The following GRIN3A variants were observed in gnomAD, a reference collection of about 807,000 sequenced individuals.
GRIN3A encodes glutamate ionotropic receptor NMDA type subunit 3A, also known as glutamate receptor ionotropic, NMDA 3A.
In GRIN3A, 47 loss-of-function variants were observed where a neutral mutation model predicts 92.4. The observed-to-expected ratio is 0.51, with a 90% CI of 0.40 to 0.65. The LOEUF is 0.65. GRIN3A is among the 30% of genes least tolerant of loss of function. The pLI, the probability that GRIN3A is intolerant of heterozygous loss-of-function variation, is 0.00. For missense variants in GRIN3A, 1,324 were observed against 1,393.1 expected, an observed-to-expected ratio of 0.95 and a Z score of 0.79; for synonymous variants, 527 against 540.6, an observed-to-expected ratio of 0.97 and a Z score of 0.35.
chr9:101,724,392 C>G (rs1311427323), intron 1 of GRIN3A, among the ~76,000 whole-genome samples: 2 of 152,156 alleles, frequency 1.3e-5, no homozygotes, highest in Admixed American at 6.6e-5. Context: ...GCCGGCAGGG[C>G]CGGCCCGCTG....
chr9:101,604,953 A>T (rs1417395187), intron 6 of GRIN3A, among the ~76,000 whole-genome samples: 1 of 151,618 alleles, frequency 6.6e-6, no homozygotes, highest in East Asian at 1.9e-4. Flanking sequence ...ATAAATATTA[A>T]TAGGTAAACA....
chr9:101,699,978 T>C (rs979419225), intron 1 of GRIN3A, among the ~76,000 whole-genome samples: 3 of 152,182 alleles, frequency 2.0e-5, no homozygotes, highest in Non-Finnish European at 2.9e-5. Flanking sequence ...TTCAGGTTTC[T>C]TATGCGGTTA....
At chr9:101,697,496 G>A (rs559374004) in intron 1 of GRIN3A, among the ~76,000 whole-genome samples, 3 of 152,276 alleles carry the variant, frequency 2.0e-5, no homozygotes, top group East Asian at 3.9e-4. Context: ...GAAGGTCTAC[G>A]TGAGCATTGT....
At chr9:101,650,627 C>T (rs1006442353) in intron 3 of GRIN3A, among the ~76,000 whole-genome samples, 20 of 151,964 alleles carry the variant, frequency 1.3e-4, no homozygotes, top group Middle Eastern at 6.8e-3. Flanking sequence ...TGTTGTATGC[C>T]GATATTTTAT....
At chr9:101,580,503 A>C (rs1827874654) in intron 6 of GRIN3A, among the ~76,000 whole-genome samples, 1 of 152,200 alleles carries the variant, frequency 6.6e-6, no homozygotes. Flanking sequence ...CTCAGGGAAG[A>C]GAATGAGTAG....
In GRIN3A at chr9:101,670,292, C is replaced by T. The variant is rs777379342; in HGVS notation, c.2120G>A (p.Gly707Glu). ...WKSPFGLTPK[G>E]RNRSKVFSFS... Reference sequence around the variant, plus strand: ...GGAGAAGACTTTACTTCTATTTCGCCCCTTGGGAGTCAAACCAAATGGACT... The same window carrying T: ...GGAGAAGACTTTACTTCTATTTCGCTCCTTGGGAGTCAAACCAAATGGACT... The change falls in exon 3 of 9, where the codon GGG (glycine) becomes GAG (glutamate). Residue 707 changes from glycine (G) to glutamate (E), a missense_variant. Gly to Glu is a moderately conservative substitution (Grantham distance 98, BLOSUM62 -2). Coordinates refer to ENST00000361820, the MANE Select transcript of GRIN3A (RefSeq NM_133445.3). The T allele has an allele frequency of 6.2e-7, 1 of 1,614,026 alleles. No individual in the cohort carries two copies. The highest frequency in any genetic ancestry group is 1.7e-5 in the Admixed American group (1 of 60,004).
chr9:101,685,523 T>C (rs981340629), intron 2 of GRIN3A, among the ~76,000 whole-genome samples: 1 of 151,858 alleles, frequency 6.6e-6, no homozygotes, highest in African/African-American at 2.4e-5. Context: ...CTACAGGTGG[T>C]CCTTTTTCAG....
In GRIN3A at chr9:101,579,238, G is replaced by A; in HGVS notation, c.2889C>T (p.Ile963=). The A allele has an allele frequency of 1.2e-6, 2 of 1,613,944 alleles. No homozygotes were observed. The highest frequency in any genetic ancestry group is 1.7e-6 in the Non-Finnish European group (2 of 1,179,922). Residue 963 remains isoleucine (I), a synonymous_variant, in exon 7 of 9, where the codon ATC becomes ATT. Transcript: ENST00000361820. ...AGTATTGCAGCTTGGATTTGTTTTT[G>A]ATTCGTGGTAGCAGCAGCCTGTATA... ...HIVYRLLLPR[I]KNKSKLQYWL...
At chr9:101,722,480 G>A (rs571876803) in intron 1 of GRIN3A, among the ~76,000 whole-genome samples, 1 of 152,304 alleles carries the variant, frequency 6.6e-6, no homozygotes, top group Non-Finnish European at 1.5e-5. Context: ...CAGAATGGCA[G>A]ATCCACCAAC....
At chr9:101,604,179 G>A (rs757431149) in intron 6 of GRIN3A, among the ~76,000 whole-genome samples, 9 of 151,876 alleles carry the variant, frequency 5.9e-5, no homozygotes, top group Non-Finnish European at 1.3e-4. Context: ...AGGAAGGGAA[G>A]GAGGGAGAAA....
intron 6 of GRIN3A, chr9:101,594,462 T>C (rs774775761): frequency 1.9e-6 from 3 of 1,614,128 alleles, no homozygotes; most frequent in Non-Finnish European, 2.5e-6. Flanking sequence ...ACCACAGCAC[T>C]GAATTCCTCA....
In GRIN3A at chr9:101,645,626, A is replaced by G. The variant is rs1041877743; in HGVS notation, c.2353-17225T>C. Among the ~76,000 whole-genome samples the G allele has an allele frequency of 3.3e-5, 5 of 150,848 alleles. No individual in the cohort carries two copies. The East Asian group carries it at 7.8e-4, about 23-fold the overall frequency. ...TTTTCCATAGTGGCTGTACTAATTT[A>G]CATTCCTACCAAGAGTGTACTAGAA... is the stretch of plus-strand genomic sequence containing the variant. On this transcript the variant is annotated intron_variant, in intron 3 of 8. Coordinates refer to ENST00000361820, the MANE Select transcript of GRIN3A (RefSeq NM_133445.3).
chr9:101,700,479 A>G (rs535024415), intron 1 of GRIN3A, among the ~76,000 whole-genome samples: 3 of 152,196 alleles, frequency 2.0e-5, no homozygotes, highest in African/African-American at 4.8e-5. Context: ...GCTCAAGTGT[A>G]TACATGTCTG....
At chr9:101,663,739 C>G (rs1588272476) in intron 3 of GRIN3A, among the ~76,000 whole-genome samples, 1 of 151,618 alleles carries the variant, frequency 6.6e-6, no homozygotes, top group East Asian at 2.0e-4. Flanking sequence ...CACAGCATGT[C>G]TATTTAATTT....
intron 1 of GRIN3A, among the ~76,000 whole-genome samples, chr9:101,719,993 C>T (rs7032033): frequency 0.12 from 18,158 of 152,068 alleles, 2,178 homozygotes; most frequent in African/African-American, 0.31. Context: ...ACCCTGGGTT[C>T]TTCTCCCTGA....
intron 1 of GRIN3A, among the ~76,000 whole-genome samples, chr9:101,736,547 A>T (rs1164843973): frequency 6.6e-6 from 1 of 152,138 alleles, no homozygotes; most frequent in Non-Finnish European, 1.5e-5. Flanking sequence ...TGAACACAGC[A>T]ACTGAATACC....
chr9:101,737,567 A>G lies in GRIN3A; in HGVS notation c.413T>C (p.Val138Ala). The change falls in exon 1 of 9, where the codon GTG becomes GCG. Residue 138 changes from valine (V) to alanine (A), a missense_variant. Transcript: ENST00000361820. ...CAGGTTGTAGGGTAGCAGCCCTTCC[A>G]CGCGGTTCAGGTTGTCCACGGCAAA... ...LLFAVDNLNRVEGLLPYNLSL... is the reference protein window; with the variant it reads ...LLFAVDNLNRAEGLLPYNLSL... 2 of 1,614,172 alleles carry G rather than the reference A, an allele frequency of 1.2e-6. No individual in the cohort carries two copies. The highest frequency in any genetic ancestry group is 1.7e-6 in the Non-Finnish European group (2 of 1,180,028).
At chr9:101,694,661 G>A (rs1829659070) in intron 1 of GRIN3A, among the ~76,000 whole-genome samples, 1 of 152,052 alleles carries the variant, frequency 6.6e-6, no homozygotes, top group African/African-American at 2.4e-5. Context: ...TATAAATTAT[G>A]CCCCACACAA....
chr9:101,649,116 A>G (rs1229086302), intron 3 of GRIN3A, among the ~76,000 whole-genome samples: 1 of 152,100 alleles, frequency 6.6e-6, no homozygotes, highest in Non-Finnish European at 1.5e-5. Context: ...AAAAGCTGCC[A>G]TAAAACTATA....
Sources: allele counts gnomAD v4.1 joint callset (sites outside exome capture counted in the v4.1 genomes callset), GRCh38; gene constraint gnomAD v4.1.1; transcripts MANE v1.5; gene names NCBI Gene and HGNC (gene_info 2026-07-23, HGNC 2026-07-21).